The following ANO2 variants were observed in gnomAD, a reference collection of about 807,000 sequenced individuals.
ANO2 encodes the protein anoctamin-2.
A neutral mutation model predicts 124.2 loss-of-function variants in ANO2; 101 were observed. The observed-to-expected ratio is 0.81, with a 90% CI of 0.69 to 0.96. The LOEUF is 0.96. Among genes scored for constraint, ANO2 ranks in the 40% least tolerant of loss-of-function variants. The probability of loss-of-function intolerance (pLI) is 0.00; values close to 1 mark genes in which losing one functional copy is unlikely to be tolerated. For missense variants in ANO2, 1,293 were observed against 1,274.5 expected (o/e 1.01, Z -0.22); for synonymous variants, 486 against 482.5 (o/e 1.01, Z -0.09).
intron 14 of ANO2, among the ~76,000 whole-genome samples, chr12:5,689,156 G>A (rs1948826826): frequency 6.6e-6 from 1 of 152,170 alleles, no homozygotes; most frequent in Non-Finnish European, 1.5e-5. Context: ...AAACCAAAGT[G>A]GGAATTTCAA....
chr12:5,799,962 C>T (rs1952990201), intron 9 of ANO2, among the ~76,000 whole-genome samples: 3 of 152,234 alleles, frequency 2.0e-5, no homozygotes, highest in African/African-American at 7.2e-5. Flanking sequence ...TCTGCTTACA[C>T]CCTGGTGTGG....
intron 7 of ANO2, among the ~76,000 whole-genome samples, chr12:5,808,073 A>C (rs574491938): frequency 4.5e-4 from 68 of 152,376 alleles, no homozygotes; most frequent in African/African-American, 1.5e-3. Context: ...GCACTTTCAC[A>C]ATTTCTCAGC....
At chr12:5,850,084 C>T (rs946612148) in intron 4 of ANO2, among the ~76,000 whole-genome samples, 6 of 152,098 alleles carry the variant, frequency 3.9e-5, no homozygotes, top group South Asian at 2.1e-4. Flanking sequence ...TAACACCCTC[C>T]GTGAGCTCCA....
chr12:5,883,502 G>GGGGTGTGTGTGTGT (rs1938654041), intron 3 of ANO2, among the ~76,000 whole-genome samples: 1 of 144,582 alleles, frequency 6.9e-6, no homozygotes, highest in African/African-American at 2.6e-5. Context: ...ACATTAGGGT[G>GGGGTGTGTGTGTGT]GTGTGTGTGT....
intron 3 of ANO2, among the ~76,000 whole-genome samples, chr12:5,875,833 G>C (rs1033904969): frequency 2.0e-5 from 3 of 151,774 alleles, no homozygotes; most frequent in Non-Finnish European, 4.4e-5. Context: ...GAATGACGGA[G>C]AGGAACAGCC....
intron 14 of ANO2, among the ~76,000 whole-genome samples, chr12:5,664,705 C>T (rs900287321): frequency 3.9e-5 from 6 of 152,210 alleles, no homozygotes; most frequent in African/African-American, 1.4e-4. Context: ...TTTGTTTCAA[C>T]ACTCAAGCAG....
intron 14 of ANO2, among the ~76,000 whole-genome samples, chr12:5,726,604 TG>T (rs1295706542): frequency 6.6e-6 from 1 of 152,210 alleles, no homozygotes; most frequent in Non-Finnish European, 1.5e-5. Flanking sequence ...TTCTCATCTG[TG>T]AGTTGGGGAT....
chr12:5,673,443 T>G (rs543288754), intron 14 of ANO2, among the ~76,000 whole-genome samples: 9 of 152,346 alleles, frequency 5.9e-5, no homozygotes, highest in African/African-American at 2.2e-4. Flanking sequence ...AATCTCCCCT[T>G]GGCAATCTTG....
chr12:5,779,442 T>C lies in ANO2; in HGVS notation c.1055+20065A>G, dbSNP rs150134292. Among the ~76,000 whole-genome samples, 393 of 152,316 alleles carry C rather than the reference T, an allele frequency of 2.6e-3. 2 individuals are homozygous for C. Among genetic ancestry groups the C allele is most frequent in the African/African-American group, 9.2e-3 (383 of 41,572 alleles). ...GGGACAAAAAGCCTTTAATAAGGAC[T>C]TCCTCCAAACGCTCTTCTTTCTAAA... On this transcript the variant is annotated intron_variant, in intron 10 of 24. Transcript: ENST00000682330.
At chr12:5,748,082 G>A (rs1021331112) in intron 11 of ANO2, among the ~76,000 whole-genome samples, 1 of 151,646 alleles carries the variant, frequency 6.6e-6, no homozygotes, top group Non-Finnish European at 1.5e-5. Context: ...GGGTGTGTGC[G>A]TCTGTGTGTA....
At chr12:5,680,675 T>G (rs1004261238) in intron 14 of ANO2, among the ~76,000 whole-genome samples, 1 of 152,176 alleles carries the variant, frequency 6.6e-6, no homozygotes, top group Non-Finnish European at 1.5e-5. Flanking sequence ...AGACACTAAA[T>G]GAGCACCTGC....
chr12:5,810,259 T>C (rs1953345830), intron 7 of ANO2, among the ~76,000 whole-genome samples: 1 of 152,086 alleles, frequency 6.6e-6, no homozygotes, highest in Admixed American at 6.6e-5. Context: ...TAAGCATCCA[T>C]CCACAACTTT....
chr12:5,888,202 A>C (rs1046084878), intron 3 of ANO2, among the ~76,000 whole-genome samples: 1 of 149,766 alleles, frequency 6.7e-6, no homozygotes, highest in African/African-American at 2.5e-5. Context: ...TGAGTGTTAC[A>C]GCTCTTAAGG....
chr12:5,724,536 C>T (rs1327587202), intron 14 of ANO2, among the ~76,000 whole-genome samples: 3 of 152,252 alleles, frequency 2.0e-5, no homozygotes, highest in Non-Finnish European at 4.4e-5. Flanking sequence ...GCTGTTGTCA[C>T]AGCCTCCGCA....
chr12:5,755,554 C>T (rs1013775614), intron 10 of ANO2, among the ~76,000 whole-genome samples: 1 of 152,064 alleles, frequency 6.6e-6, no homozygotes, highest in African/African-American at 2.4e-5. Flanking sequence ...ATCCCTCCCC[C>T]CTCTCCCCAC....
chr12:5,602,163 A>G (rs1943971898), intron 19 of ANO2, among the ~76,000 whole-genome samples: 1 of 152,262 alleles, frequency 6.6e-6, no homozygotes, highest in Non-Finnish European at 1.5e-5. Flanking sequence ...CAGAAAGATT[A>G]AAATCAATAC....
At chr12:5,810,891 C>T (rs1269391805) in intron 7 of ANO2, among the ~76,000 whole-genome samples, 1 of 152,198 alleles carries the variant, frequency 6.6e-6, no homozygotes, top group Non-Finnish European at 1.5e-5. Context: ...GGGGCAGGGC[C>T]AAGAAACATG....
chr12:5,873,918 G>A (rs570953196), intron 3 of ANO2, among the ~76,000 whole-genome samples: 2 of 152,322 alleles, frequency 1.3e-5, no homozygotes, highest in South Asian at 4.1e-4. Context: ...AGGGACACCA[G>A]CCAGAGCTGA....
chr12:5,584,875 C>T (rs1310026960), intron 20 of ANO2, among the ~76,000 whole-genome samples: 1 of 152,186 alleles, frequency 6.6e-6, no homozygotes, highest in Non-Finnish European at 1.5e-5. Context: ...CACTCACCAT[C>T]CACTCACTCA....
Sources: allele counts gnomAD v4.1 joint callset (sites outside exome capture counted in the v4.1 genomes callset), GRCh38; gene constraint gnomAD v4.1.1; transcripts MANE v1.5; gene names NCBI Gene and HGNC (gene_info 2026-07-23, HGNC 2026-07-21).